Variants in CHRNA5 observed in about 807,000 individuals in gnomAD.
The protein encoded by CHRNA5 is neuronal acetylcholine receptor subunit alpha-5.
A neutral mutation model predicts 41.2 loss-of-function variants in CHRNA5; 28 were observed. The observed-to-expected ratio is 0.68, with a 90% CI of 0.50 to 0.93. The LOEUF (loss-of-function observed/expected upper bound fraction) is 0.93. Ranked by LOEUF, CHRNA5 falls within the 40% of genes least tolerant of loss-of-function variation. The pLI is 0.00. For synonymous variants in CHRNA5, 188 were observed against 205.8 expected, an observed-to-expected ratio of 0.91 and a Z score of 0.74; for missense variants, 481 against 581.9, an observed-to-expected ratio of 0.83 and a Z score of 1.78.
At chr15:78,592,582 C>G (rs1362509299) in intron 5 of CHRNA5, among the ~76,000 whole-genome samples, 1 of 152,100 alleles carries the variant, frequency 6.6e-6, no homozygotes, top group Non-Finnish European at 1.5e-5. Context: ...GAAGACTGTT[C>G]TGTGCTCATG....
intron 1 of CHRNA5, among the ~76,000 whole-genome samples, chr15:78,566,521 C>T (rs1478322877): frequency 6.6e-6 from 1 of 152,220 alleles, no homozygotes; most frequent in East Asian, 1.9e-4. Flanking sequence ...AGAGTCAGTT[C>T]TCTCAATACC....
At chr15:78,569,257 C>G (rs1359396289) in intron 1 of CHRNA5, among the ~76,000 whole-genome samples, 1 of 151,896 alleles carries the variant, frequency 6.6e-6, no homozygotes, top group Middle Eastern at 3.2e-3. Context: ...CAAATGAGAT[C>G]TAGCAAGTAA....
intron 1 of CHRNA5, among the ~76,000 whole-genome samples, chr15:78,578,053 A>G (rs1028338085): frequency 2.0e-5 from 3 of 152,186 alleles, no homozygotes; most frequent in African/African-American, 7.2e-5. Flanking sequence ...TTTTAACTTG[A>G]AGCTCTAAAA....
intron 1 of CHRNA5, among the ~76,000 whole-genome samples, chr15:78,579,505 C>T (rs577944277): frequency 1.3e-5 from 2 of 152,304 alleles, no homozygotes; most frequent in East Asian, 3.9e-4. Flanking sequence ...CTGTCCGCCT[C>T]AGCTTCCCAA....
At chr15:78,570,291 C>T (rs1250419264) in intron 1 of CHRNA5, among the ~76,000 whole-genome samples, 1 of 151,926 alleles carries the variant, frequency 6.6e-6, no homozygotes, top group Non-Finnish European at 1.5e-5. Flanking sequence ...CAGAGTCTTG[C>T]TCTGTCACCT....
chr15:78,594,233 G>A (rs1395833097), exon 6 of CHRNA5: 2 of 152,074 alleles, frequency 1.3e-5, no homozygotes, highest in African/African-American at 4.8e-5. Context: ...CTGTGGACAC[G>A]CAGTAGCATA....
chr15:78,573,963 ATTTTTTTTTT>A (rs979485573), intron 1 of CHRNA5, among the ~76,000 whole-genome samples: 93 of 102,104 alleles, frequency 9.1e-4, no homozygotes, highest in Admixed American at 1.4e-3. Flanking sequence ...CGCCTGGCTA[ATTTTTTTTTT>A]TTTTTTTTTT....
chr15:78,582,888 C>T (rs577658688), intron 2 of CHRNA5, among the ~76,000 whole-genome samples: 13 of 152,162 alleles, frequency 8.5e-5, no homozygotes, highest in Admixed American at 1.3e-4. Context: ...CATGCCACTT[C>T]GTCTTTACTC....
At chr15:78,570,381 C>A (rs1301707976) in intron 1 of CHRNA5, among the ~76,000 whole-genome samples, 1 of 148,388 alleles carries the variant, frequency 6.7e-6, no homozygotes, top group Non-Finnish European at 1.5e-5. Flanking sequence ...GCCTCAGCCT[C>A]CCAAGTAGCT....
Position 78,581,020 on chromosome 15 carries a change from T to C in CHRNA5, c.258+58T>C, listed in dbSNP as rs1170909570. On this transcript the variant is annotated intron_variant, in intron 2 of 5. Transcript: ENST00000299565. ...CCACAGATTTAGTGAGAGCCTGGTG[T>C]GTGCCCAGGCACTGTGCTAGGCACC... 4 of 1,534,146 alleles carry C rather than the reference T, an allele frequency of 2.6e-6. No homozygotes were observed. The South Asian group carries it at 4.6e-5, about 18-fold the overall frequency.
At chr15:78,582,641 C>G (rs1326663322) in intron 2 of CHRNA5, among the ~76,000 whole-genome samples, 1 of 152,136 alleles carries the variant, frequency 6.6e-6, no homozygotes, top group African/African-American at 2.4e-5. Context: ...AATGAATGAC[C>G]TTATCAAAGA....
At position 78,566,768 on chromosome 15, in the gene CHRNA5, A is replaced by AGGAT. The variant is rs555233093; in HGVS notation, c.106+945_106+948dup. ...TAATAAGACTAGAATAATTCATTGCAGGATGTATTGCTTAGTGTAGACCGA... is the reference window on the plus strand; with the variant it reads ...TAATAAGACTAGAATAATTCATTGCAGGATGGATGTATTGCTTAGTGTAGACCGA... On this transcript the variant is annotated intron_variant, in intron 1 of 5. Transcript: ENST00000299565. Among the ~76,000 whole-genome samples the AGGAT allele has an allele frequency of 3.8e-3, 578 of 152,340 alleles. 2 individuals are homozygous for AGGAT. The highest frequency in any genetic ancestry group is 0.013 in the African/African-American group (554 of 41,584).
At position 78,588,188 on chromosome 15, in the gene CHRNA5, G is replaced by T; in HGVS notation, c.304-126G>T. The T allele has an allele frequency of 2.0e-6, 1 of 497,324 alleles. No individual in the cohort carries two copies. The allele number at this position is 497,324 out of a possible 1,614,324, so 30.8% of individuals were successfully genotyped here. ...GTGCCCATAATAAGAAAGACAGGGAGGTGTTCTCTATTGGGGGTAGAGATG... is the reference window on the plus strand; with the variant it reads ...GTGCCCATAATAAGAAAGACAGGGATGTGTTCTCTATTGGGGGTAGAGATG... On this transcript the variant is annotated intron_variant, in intron 3 of 5. Transcript: ENST00000299565. This position sits in a 1 kb window ranked among gnomAD's most constrained non-coding sequence, Gnocchi z 4.1.
chr15:78,589,589 G>A (rs2052991269), intron 4 of CHRNA5: 1 of 466,734 alleles, frequency 2.1e-6, no homozygotes, highest in African/African-American at 2.0e-5. Flanking sequence ...AGTAGATGCA[G>A]AAGAAGGGGT....
chr15:78,577,337 C>T (rs2052867956), intron 1 of CHRNA5, among the ~76,000 whole-genome samples: 1 of 152,184 alleles, frequency 6.6e-6, no homozygotes, highest in Non-Finnish European at 1.5e-5. Flanking sequence ...AAAACATTTA[C>T]AGCCAGCTAA....
At chr15:78,573,963 A>ATTTTTTTTTTTT (rs979485573) in intron 1 of CHRNA5, among the ~76,000 whole-genome samples, 397 of 102,026 alleles carry the variant, frequency 3.9e-3, no homozygotes, top group Non-Finnish European at 4.9e-3. Context: ...CGCCTGGCTA[A>ATTTTTTTTTTTT]TTTTTTTTTT....
intron 3 of CHRNA5, 63 bp downstream of exon 3, chr15:78,586,752 G>A: frequency 9.0e-7 from 1 of 1,112,696 alleles, no homozygotes; most frequent in Non-Finnish European, 1.3e-6. Context: ...TTTATTATAT[G>A]TATTGTAGCA....
exon 6 of CHRNA5, chr15:78,593,609 C>T (rs200133737): frequency 6.1e-6 from 1 of 163,038 alleles, no homozygotes. Context: ...GATTTTAAAA[C>T]TTTTCTGCAT....
chr15:78,566,791 C>G (rs1377043570), intron 1 of CHRNA5, among the ~76,000 whole-genome samples: 2 of 151,854 alleles, frequency 1.3e-5, no homozygotes, highest in South Asian at 2.1e-4. Context: ...TAGTGTAGAC[C>G]GAAGAGAAAT....
Sources: allele counts gnomAD v4.1 joint callset (sites outside exome capture counted in the v4.1 genomes callset), GRCh38; gene constraint gnomAD v4.1.1; non-coding constraint Gnocchi (gnomAD v3.1); transcripts MANE v1.5; gene names NCBI Gene and HGNC (gene_info 2026-07-23, HGNC 2026-07-21).